Variants in RNLS observed in about 807,000 individuals in gnomAD.
RNLS encodes the protein renalase, FAD dependent amine oxidase.
In RNLS, 39 loss-of-function variants were observed where a neutral mutation model predicts 39.8. The observed-to-expected ratio is 0.98, with a 90% CI of 0.76 to 1.28. The LOEUF (loss-of-function observed/expected upper bound fraction) is 1.28, where lower values mean the gene tolerates loss of function less well. Among genes scored for constraint, RNLS ranks in the 50% most tolerant of loss-of-function variants. RNLS has a pLI of 0.00. For missense variants in RNLS, 410 were observed against 413.3 expected, an observed-to-expected ratio of 0.99 and a Z score of 0.07; for synonymous variants, 147 against 150.7, an observed-to-expected ratio of 0.98 and a Z score of 0.18.
intron 5 of RNLS, among the ~76,000 whole-genome samples, chr10:88,360,500 T>C (rs1849556238): frequency 6.6e-6 from 1 of 152,230 alleles, no homozygotes; most frequent in African/African-American, 2.4e-5. Context: ...AGTGGCACGA[T>C]CTTTGCTCAC....
chr10:88,209,607 C>A, the RNLS span, among the ~76,000 whole-genome samples: 1 of 152,050 alleles, frequency 6.6e-6, no homozygotes, highest in Non-Finnish European at 1.5e-5. Context: ...TTGAAACCAC[C>A]CAATGTGTGA....
chr10:88,351,942 A>AG (rs1848750084), intron 5 of RNLS, among the ~76,000 whole-genome samples: 1 of 152,160 alleles, frequency 6.6e-6, no homozygotes, highest in African/African-American at 2.4e-5. Context: ...TTGGCTTCCT[A>AG]GTATTTTATT....
intron 4 of RNLS, among the ~76,000 whole-genome samples, chr10:88,566,320 C>T (rs1451482472): frequency 6.6e-6 from 1 of 151,914 alleles, no homozygotes; most frequent in Non-Finnish European, 1.5e-5. Flanking sequence ...ACAAAATGTA[C>T]ACAGGAAGTG....
intron 4 of RNLS, among the ~76,000 whole-genome samples, chr10:88,476,212 A>G (rs2133997862): frequency 6.6e-6 from 1 of 152,222 alleles, no homozygotes; most frequent in South Asian, 2.1e-4. Flanking sequence ...AAGAAACAGG[A>G]TTTACATTTT....
intron 5 of RNLS, among the ~76,000 whole-genome samples, chr10:88,348,015 T>G (rs1418288140): frequency 6.6e-6 from 1 of 152,184 alleles, no homozygotes; most frequent in East Asian, 1.9e-4. Context: ...AATAGTTTGT[T>G]ACACACTTAT....
intron 4 of RNLS, among the ~76,000 whole-genome samples, chr10:88,425,077 G>T (rs1008511146): frequency 6.6e-6 from 1 of 152,080 alleles, no homozygotes. Context: ...CGTAAAACTG[G>T]GTGATATCCA....
chr10:88,283,411 A>G (rs2132614818), downstream of RNLS, among the ~76,000 whole-genome samples: 1 of 152,222 alleles, frequency 6.6e-6, no homozygotes, highest in East Asian at 1.9e-4. Flanking sequence ...AGCTTTACAA[A>G]TTCCCTCCCC....
intron 6 of RNLS, among the ~76,000 whole-genome samples, chr10:88,286,966 A>T (rs981701415): frequency 4.0e-5 from 6 of 151,680 alleles, no homozygotes; most frequent in Non-Finnish European, 7.4e-5. Context: ...AATTAAAAAA[A>T]AATTTAGAGA....
rs762756164 is a variant in RNLS at position 88,514,121 on chromosome 10, T to TAA, written c.526+58780_526+58781dup. On this transcript the variant is annotated intron_variant, in intron 4 of 6. Coordinates refer to ENST00000331772, the MANE Select transcript of RNLS (RefSeq NM_001031709.3). ...CAACTGCCCGAGACTGGGTAATTTATAAAAAAAAAAAAAAAGGTTTAATTG... is the reference window on the plus strand; with the variant it reads ...CAACTGCCCGAGACTGGGTAATTTATAAAAAAAAAAAAAAAAAGGTTTAATTG... Among the ~76,000 whole-genome samples, 63 of 120,392 alleles carry TAA rather than the reference T, an allele frequency of 5.2e-4. 1 individual carries two copies. The highest frequency in any genetic ancestry group is 4.2e-3 in the Middle Eastern group (1 of 240). 79.0% of individuals were successfully genotyped at this position (120,392 alleles called of 152,430 possible).
chr10:88,406,284 G>A (rs1056244435), intron 4 of RNLS, among the ~76,000 whole-genome samples: 3 of 151,932 alleles, frequency 2.0e-5, no homozygotes, highest in Non-Finnish European at 4.4e-5. Context: ...AGCAAGGCTG[G>A]GGAAGTTTTC....
chr10:88,554,864 AAATAC>A (rs926618752), intron 4 of RNLS, among the ~76,000 whole-genome samples: 11 of 152,150 alleles, frequency 7.2e-5, no homozygotes, highest in African/African-American at 1.7e-4. Flanking sequence ...CCTATCTTAA[AAATAC>A]AATACAATAC....
intron 4 of RNLS, among the ~76,000 whole-genome samples, chr10:88,459,526 A>G (rs537860334): frequency 6.6e-6 from 1 of 152,276 alleles, no homozygotes; most frequent in Admixed American, 6.5e-5. Flanking sequence ...CTCCGCTACT[A>G]AAACAGTCCA....
chr10:88,457,856 G>T (rs997188040), intron 4 of RNLS, among the ~76,000 whole-genome samples: 1 of 152,170 alleles, frequency 6.6e-6, no homozygotes. Flanking sequence ...CTTGAAGCTA[G>T]ATTTGACGTC....
Position 88,284,525 on chromosome 10 carries a change from T to A in RNLS, c.*829A>T. On this transcript the variant is annotated 3_prime_UTR_variant, in exon 7 of 7. Transcript: ENST00000331772. ...TGCATCTATTTTCTGGTTCAGTAAA[T>A]TTTTTGTTGTGTTAAATTCATTAAA... is the stretch of plus-strand genomic sequence containing the variant. 1.6e-5 allele frequency: 16 copies of A among 985,356 alleles called. No homozygotes were observed. Among genetic ancestry groups the A allele is most frequent in the Non-Finnish European group, 1.9e-5 (16 of 829,888 alleles). The allele number at this position is 985,356 out of a possible 1,614,324, so 61.0% of individuals were successfully genotyped here.
intron 4 of RNLS, among the ~76,000 whole-genome samples, chr10:88,423,031 G>A (rs549646844): frequency 6.6e-6 from 1 of 152,282 alleles, no homozygotes; most frequent in South Asian, 2.1e-4. Context: ...TTATAGGTGT[G>A]AGCCACGGTG....
intron 4 of RNLS, among the ~76,000 whole-genome samples, chr10:88,540,843 G>A (rs1247506629): frequency 6.6e-6 from 1 of 151,894 alleles, no homozygotes; most frequent in Non-Finnish European, 1.5e-5. Context: ...ATCTAGATTA[G>A]GCAATGTGTA....
the RNLS span, among the ~76,000 whole-genome samples, chr10:88,196,369 C>T: frequency 6.6e-6 from 1 of 152,230 alleles, no homozygotes; most frequent in Non-Finnish European, 1.5e-5. Flanking sequence ...TCTATTCCCT[C>T]TACATTAGCC....
chr10:88,554,601 T>C (rs1848760670), intron 4 of RNLS, among the ~76,000 whole-genome samples: 1 of 151,896 alleles, frequency 6.6e-6, no homozygotes, highest in South Asian at 2.1e-4. Flanking sequence ...CTTGTTTCTC[T>C]GGGAAAACAA....
chr10:88,478,684 T>A (rs1664544884), intron 4 of RNLS, among the ~76,000 whole-genome samples: 1 of 152,162 alleles, frequency 6.6e-6, no homozygotes, highest in Admixed American at 6.6e-5. Flanking sequence ...ACTCGAAATA[T>A]GCTCTGCTCA....
Sources: allele counts gnomAD v4.1 joint callset (sites outside exome capture counted in the v4.1 genomes callset), GRCh38; gene constraint gnomAD v4.1.1; transcripts MANE v1.5; gene names NCBI Gene and HGNC (gene_info 2026-07-23, HGNC 2026-07-21).